Variants in ADAMTSL1 observed in about 807,000 individuals in gnomAD.
ADAMTSL1 encodes the protein ADAMTS like 1, also known as ADAMTS-like protein 1.
A neutral mutation model predicts 201.8 loss-of-function variants in ADAMTSL1; 126 were observed. That is an observed-to-expected ratio of 0.62 (90% CI 0.54 to 0.72). The LOEUF is 0.72. ADAMTSL1 is among the 30% of genes least tolerant of loss of function. ADAMTSL1 has a pLI of 0.00. For synonymous variants in ADAMTSL1, 1,121 were observed against 903.4 expected (o/e 1.24, Z -4.32); for missense variants, 2,679 against 2,277.8 (o/e 1.18, Z -3.59).
chr9:18,559,688 C>T (rs1333006585), intron 3 of ADAMTSL1, among the ~76,000 whole-genome samples: 4 of 152,154 alleles, frequency 2.6e-5, no homozygotes, highest in Non-Finnish European at 5.9e-5. Context: ...TTTCATTGAG[C>T]AGTGGTTTGT....
intron 1 of ADAMTSL1, among the ~76,000 whole-genome samples, chr9:18,123,972 T>C (rs1419052885): frequency 6.6e-6 from 1 of 152,170 alleles, no homozygotes; most frequent in Non-Finnish European, 1.5e-5. Context: ...TTGTCTGTTA[T>C]TTTAGCCATT....
intron 1 of ADAMTSL1, among the ~76,000 whole-genome samples, chr9:18,091,051 G>T: frequency 7.5e-6 from 1 of 134,086 alleles, no homozygotes; most frequent in East Asian, 2.3e-4. Context: ...TAAATAAGTA[G>T]TGTGTGTGTG....
chr9:18,884,434 T>G (rs2099392), intron 23 of ADAMTSL1, among the ~76,000 whole-genome samples: 83,490 of 151,998 alleles, frequency 0.55, 23,325 homozygotes, highest in African/African-American at 0.63. Context: ...GAATCCACTT[T>G]ATTTTTTCAT....
chr9:18,842,435 G>T (rs1825782005), intron 23 of ADAMTSL1, among the ~76,000 whole-genome samples: 2 of 152,140 alleles, frequency 1.3e-5, no homozygotes, highest in Non-Finnish European at 1.5e-5. Context: ...TTTTACATTT[G>T]CTGAGGAGAG....
chr9:18,741,060 G>C (rs899641328), intron 15 of ADAMTSL1, among the ~76,000 whole-genome samples: 1 of 152,128 alleles, frequency 6.6e-6, no homozygotes, highest in African/African-American at 2.4e-5. Context: ...AGGAAATAGG[G>C]TAGAGGTCTG....
rs563942327 is a variant in ADAMTSL1 at position 18,450,583 on chromosome 9, A to G, written c.208-54246A>G. Among the ~76,000 whole-genome samples, 4 of 151,568 alleles carry G rather than the reference A, an allele frequency of 2.6e-5. No individual in the cohort carries two copies. The East Asian group carries it at 7.7e-4, about 29-fold the overall frequency. ...TTCATATATACATATATAGATATAT[A>G]TATTATGTATACATATATATGTATG... On this transcript the variant is annotated intron_variant, in intron 2 of 29. Transcript: ENST00000680146.
At chr9:18,718,591 C>T (rs1294805089) in intron 14 of ADAMTSL1, 1 of 416,280 alleles carries the variant, frequency 2.4e-6, no homozygotes, top group Non-Finnish European at 4.8e-6. Context: ...GCCAGTGTCA[C>T]TCCCTCCGGG....
chr9:18,531,606 A>C (rs1036363933), intron 2 of ADAMTSL1, among the ~76,000 whole-genome samples: 4 of 152,186 alleles, frequency 2.6e-5, no homozygotes, highest in African/African-American at 7.2e-5. Context: ...TCTGTGTATA[A>C]TTGTGTTGTC....
chr9:18,445,083 T>C (rs17799670), intron 2 of ADAMTSL1, among the ~76,000 whole-genome samples: 13,896 of 152,156 alleles, frequency 0.091, 854 homozygotes, highest in Non-Finnish European at 0.14. Context: ...TCTTAAACAC[T>C]GTGATATTCT....
intron 9 of ADAMTSL1, among the ~76,000 whole-genome samples, chr9:18,662,437 T>C (rs1377687596): frequency 6.6e-6 from 1 of 152,162 alleles, no homozygotes; most frequent in Non-Finnish European, 1.5e-5. Context: ...GTTCTCAGGA[T>C]TTTTTCCATT....
In ADAMTSL1 at chr9:18,908,961, G is replaced by C. The variant is rs80036246; in HGVS notation, c.*413G>C. The C allele has an allele frequency of 5.9e-6, 1 of 169,548 alleles. No individual in the cohort carries two copies. Among genetic ancestry groups the C allele is most frequent in the East Asian group, 1.8e-4 (1 of 5,600 alleles). The allele number at this position is 169,548 out of a possible 1,614,324, so 10.5% of individuals were successfully genotyped here. A position where few individuals can be genotyped will look rare whatever the true frequency, so the allele number is the denominator to read the frequency against. On this transcript the variant is annotated 3_prime_UTR_variant, in exon 29 of 29. Coordinates refer to ENST00000380548, the MANE Select transcript of ADAMTSL1 (RefSeq NM_001040272.6). The stretch of plus-strand genomic sequence containing the variant: ...AAATTCCTGTGTCTTTCCTAGAAGC[G>C]CACTATCACAAACACAGGAGTGTTT...
At chr9:18,450,845 A>AT (rs1820377202) in intron 2 of ADAMTSL1, among the ~76,000 whole-genome samples, 1 of 152,224 alleles carries the variant, frequency 6.6e-6, no homozygotes, top group Non-Finnish European at 1.5e-5. Flanking sequence ...CTGGATTCAG[A>AT]ATATCATTAC....
intron 4 of ADAMTSL1, among the ~76,000 whole-genome samples, chr9:18,611,850 C>T (rs751333906): frequency 1.3e-5 from 2 of 152,192 alleles, no homozygotes; most frequent in Non-Finnish European, 2.9e-5. Flanking sequence ...ACAGAGGCTG[C>T]CGAAGTTCCT....
intron 9 of ADAMTSL1, among the ~76,000 whole-genome samples, chr9:18,674,909 G>A (rs1295823958): frequency 6.6e-6 from 1 of 152,122 alleles, no homozygotes; most frequent in African/African-American, 2.4e-5. Flanking sequence ...TGAATCATTA[G>A]TCCTCCACAA....
At chr9:18,281,938 G>C (rs1439106240) in intron 2 of ADAMTSL1, among the ~76,000 whole-genome samples, 4 of 152,010 alleles carry the variant, frequency 2.6e-5, no homozygotes, top group Non-Finnish European at 1.5e-5. Flanking sequence ...TTTCTTCTTT[G>C]ACCCGTAGGT....
At chr9:18,852,955 C>G (rs1466905157) in intron 23 of ADAMTSL1, among the ~76,000 whole-genome samples, 1 of 152,176 alleles carries the variant, frequency 6.6e-6, no homozygotes, top group Non-Finnish European at 1.5e-5. Context: ...AGGGAAGATT[C>G]TGGACCACTT....
intron 2 of ADAMTSL1, among the ~76,000 whole-genome samples, chr9:18,344,146 A>C (rs944358864): frequency 6.6e-6 from 1 of 152,098 alleles, no homozygotes; most frequent in African/African-American, 2.4e-5. Flanking sequence ...TTAATTACCA[A>C]AATTTAGGGT....
intron 1 of ADAMTSL1, among the ~76,000 whole-genome samples, chr9:17,951,621 A>ATTACTCTTTTTTTT (rs1827730731): frequency 6.9e-6 from 1 of 143,948 alleles, no homozygotes; most frequent in South Asian, 2.2e-4. Context: ...ATTCATAACC[A>ATTACTCTTTTTTTT]TTACTCTTTT....
intron 1 of ADAMTSL1, among the ~76,000 whole-genome samples, chr9:17,998,385 G>A (rs531284741): frequency 2.0e-4 from 31 of 152,136 alleles, no homozygotes; most frequent in African/African-American, 7.5e-4. Context: ...AGCTAGGGTA[G>A]ATAGGGGAAG....
Sources: gnomAD v4.1 joint callset for allele counts (sites outside exome capture counted in the v4.1 genomes callset) on GRCh38, gnomAD v4.1.1 for gene constraint, MANE v1.5 for transcripts, NCBI Gene and HGNC (gene_info 2026-07-23, HGNC 2026-07-21) for gene names.